Variants in TRPC6 observed in about 807,000 individuals in gnomAD.
TRPC6 encodes short transient receptor potential channel 6.
Under a neutral mutation model 90.7 loss-of-function variants are expected in TRPC6, and 55 were observed. That is an observed-to-expected ratio of 0.61 (90% CI 0.49 to 0.76). The LOEUF is 0.76. TRPC6 is among the 30% of genes least tolerant of loss of function. The pLI, the probability that TRPC6 is intolerant of heterozygous loss-of-function variation, is 0.00. For synonymous variants in TRPC6, 393 were observed against 393.0 expected (o/e 1.00, Z 0.00); for missense variants, 989 against 1,122.7 (o/e 0.88, Z 1.70).
chr11:101,572,471 C>G (rs1861984515), intron 1 of TRPC6, among the ~76,000 whole-genome samples: 1 of 152,146 alleles, frequency 6.6e-6, no homozygotes, highest in African/African-American at 2.4e-5. Flanking sequence ...GTGTCTAGAA[C>G]TAGAAATACC....
chr11:101,524,127 T>A (rs563603308), intron 1 of TRPC6, among the ~76,000 whole-genome samples: 1 of 152,384 alleles, frequency 6.6e-6, no homozygotes, highest in African/African-American at 2.4e-5. Flanking sequence ...CTCATTCATT[T>A]TACTTTTTGT....
At chr11:101,484,459 C>T (rs2136693324) in intron 4 of TRPC6, among the ~76,000 whole-genome samples, 1 of 152,168 alleles carries the variant, frequency 6.6e-6, no homozygotes, top group African/African-American at 2.4e-5. Context: ...TATTTCCCTA[C>T]CTTTATTTGT....
intron 1 of TRPC6, among the ~76,000 whole-genome samples, chr11:101,546,502 G>A (rs1036618050): frequency 1.3e-5 from 2 of 152,142 alleles, no homozygotes; most frequent in African/African-American, 4.8e-5. Context: ...ATGAGTGAAT[G>A]AAGTGACCAG....
At chr11:101,513,126 C>A (rs929044443) in intron 1 of TRPC6, among the ~76,000 whole-genome samples, 7 of 152,208 alleles carry the variant, frequency 4.6e-5, no homozygotes, top group Non-Finnish European at 1.0e-4. Context: ...GTGGCCCTGA[C>A]CTTTTATGAA....
intron 2 of TRPC6, among the ~76,000 whole-genome samples, chr11:101,494,488 T>C (rs986060190): frequency 2.0e-5 from 3 of 152,176 alleles, no homozygotes; most frequent in Non-Finnish European, 4.4e-5. Flanking sequence ...GGCCATCTCT[T>C]GACATTAAAA....
rs367610177 is a variant in TRPC6 at position 101,478,166 on chromosome 11, G to A, written c.1511-1632C>T. The stretch of plus-strand genomic sequence containing the variant: ...CCTGTGGGGATTAAGGAAATGCCCC[G>A]TCTCTAATTTCCAAGAGCACGTCAT... On this transcript the variant is annotated intron_variant, in intron 5 of 12. Coordinates refer to ENST00000344327, the MANE Select transcript of TRPC6 (RefSeq NM_004621.6). Among the ~76,000 whole-genome samples the A allele has an allele frequency of 2.2e-4, 34 of 152,274 alleles. No individual in the cohort carries two copies. The South Asian group carries it at 6.8e-3, about 31-fold the overall frequency.
At chr11:101,547,106 T>C (rs539927800) in intron 1 of TRPC6, among the ~76,000 whole-genome samples, 1 of 152,292 alleles carries the variant, frequency 6.6e-6, no homozygotes, top group Admixed American at 6.5e-5. Flanking sequence ...CTGGGTTTGG[T>C]GGCATTTTGT....
chr11:101,471,401 A>T lies in TRPC6; in HGVS notation c.2206-15T>A. 1 of 1,613,192 alleles carries T rather than the reference A, an allele frequency of 6.2e-7. No individual in the cohort carries two copies. The highest frequency in any genetic ancestry group is 8.5e-7 in the Non-Finnish European group (1 of 1,179,400). On this transcript the variant is annotated splice_polypyrimidine_tract_variant and intron_variant, in intron 8 of 12. Coordinates refer to ENST00000344327, the MANE Select transcript of TRPC6 (RefSeq NM_004621.6). ...TCAGCGTCATCCTATACAAATACAC[A>T]TGACAGTTCAGCAAGGAAATGCATA...
chr11:101,556,446 TTGGA>T (rs773828913), intron 1 of TRPC6, among the ~76,000 whole-genome samples: 4 of 151,928 alleles, frequency 2.6e-5, no homozygotes, highest in Non-Finnish European at 4.4e-5. Flanking sequence ...TGCCAACAAA[TTGGA>T]TAACCTAGAA....
intron 1 of TRPC6, among the ~76,000 whole-genome samples, chr11:101,525,351 G>T (rs776295568): frequency 6.6e-6 from 1 of 152,168 alleles, no homozygotes; most frequent in Non-Finnish European, 1.5e-5. Flanking sequence ...AATACCAACT[G>T]TGTGGTTTTA....
intron 1 of TRPC6, among the ~76,000 whole-genome samples, chr11:101,580,733 A>C (rs1015885464): frequency 1.3e-5 from 2 of 152,190 alleles, no homozygotes; most frequent in Non-Finnish European, 2.9e-5. Flanking sequence ...ACTTACAAAG[A>C]CTTGGGATCT....
At chr11:101,474,307 G>C (rs12281218) in intron 6 of TRPC6, among the ~76,000 whole-genome samples, 1 of 152,106 alleles carries the variant, frequency 6.6e-6, no homozygotes, top group Admixed American at 6.6e-5. Context: ...AAATGTATTA[G>C]AAGTAACTTT....
intron 1 of TRPC6, among the ~76,000 whole-genome samples, chr11:101,553,988 C>T (rs1565241148): frequency 6.6e-6 from 1 of 152,108 alleles, no homozygotes; most frequent in Non-Finnish European, 1.5e-5. Context: ...TTCACACATG[C>T]TTTAAATGCT....
intron 1 of TRPC6, among the ~76,000 whole-genome samples, chr11:101,559,333 AACAAT>A (rs1169364119): frequency 6.6e-6 from 1 of 152,202 alleles, no homozygotes; most frequent in African/African-American, 2.4e-5. Flanking sequence ...CATAAATCAT[AACAAT>A]ACTTTATACC....
chr11:101,493,126 A>G (rs764041375), intron 2 of TRPC6, among the ~76,000 whole-genome samples: 2 of 152,132 alleles, frequency 1.3e-5, no homozygotes, highest in Non-Finnish European at 2.9e-5. Flanking sequence ...ACCACCTATA[A>G]CCAAATGCTA....
intron 1 of TRPC6, among the ~76,000 whole-genome samples, chr11:101,546,364 ACCCGGC>A (rs1457472647): frequency 2.3e-4 from 15 of 65,674 alleles, no homozygotes; most frequent in Admixed American, 3.6e-4. Flanking sequence ...GAGCCACCGC[ACCCGGC>A]CTTATAACTC....
chr11:101,493,188 A>T (rs956933289), intron 2 of TRPC6, among the ~76,000 whole-genome samples: 11 of 152,218 alleles, frequency 7.2e-5, no homozygotes, highest in African/African-American at 2.7e-4. Flanking sequence ...TCCCTGGGCC[A>T]CATTGGAAGA....
intron 1 of TRPC6, among the ~76,000 whole-genome samples, chr11:101,532,331 A>G (rs138388841): frequency 0.018 from 2,747 of 152,316 alleles, 29 homozygotes; most frequent in Non-Finnish European, 0.029. Flanking sequence ...GATAAAATGC[A>G]TATCTGGTGT....
At chr11:101,481,171 T>C (rs2136687553) in intron 5 of TRPC6, among the ~76,000 whole-genome samples, 1 of 152,320 alleles carries the variant, frequency 6.6e-6, no homozygotes, top group East Asian at 1.9e-4. Flanking sequence ...CAAGAAGACA[T>C]GTCCTGCCTT....
Sources: allele counts gnomAD v4.1 joint callset (sites outside exome capture counted in the v4.1 genomes callset), GRCh38; gene constraint gnomAD v4.1.1; transcripts MANE v1.5; gene names NCBI Gene and HGNC (gene_info 2026-07-23, HGNC 2026-07-21).